The following LRRC4C variants were observed in gnomAD, a reference collection of about 807,000 sequenced individuals.
LRRC4C encodes the protein leucine-rich repeat-containing protein 4C.
Under a neutral mutation model 33.6 loss-of-function variants are expected in LRRC4C, and 5 were observed. That is an observed-to-expected ratio of 0.15 (90% confidence interval 0.08 to 0.31). LRRC4C has a LOEUF of 0.31. Ranked by LOEUF, LRRC4C falls within the 10% of genes least tolerant of loss-of-function variation. The pLI is 1.00. For missense variants in LRRC4C, 560 were observed against 796.7 expected (o/e 0.70, Z 3.58); for synonymous variants, 329 against 302.0 (o/e 1.09, Z -0.93).
intron 1 of LRRC4C, among the ~76,000 whole-genome samples, chr11:40,941,331 A>G (rs1418032494): frequency 1.3e-5 from 2 of 152,250 alleles, no homozygotes; most frequent in East Asian, 1.9e-4. Context: ...CTGATTTTAT[A>G]GCTGTCTAAG....
intron 1 of LRRC4C, among the ~76,000 whole-genome samples, chr11:41,327,631 G>C (rs1165870171): frequency 6.6e-6 from 1 of 152,132 alleles, no homozygotes; most frequent in Non-Finnish European, 1.5e-5. Flanking sequence ...TGGTTTGGCT[G>C]TGTCCCCACC....
rs1454820107 is a variant in LRRC4C at position 40,865,362 on chromosome 11, T to C, written c.-407+68273A>G. Reference sequence around the variant, plus strand: ...ACAAAATTACAGTTAGATAGGAGGATGATTGTACAGCATACTGAGTAAAGT... The same window carrying C: ...ACAAAATTACAGTTAGATAGGAGGACGATTGTACAGCATACTGAGTAAAGT... On this transcript the variant is annotated intron_variant, in intron 2 of 6. Transcript: ENST00000528697. Among the ~76,000 whole-genome samples the C allele has an allele frequency of 3.3e-5, 5 of 152,026 alleles. No homozygotes were observed. In the East Asian group the frequency reaches 9.7e-4, roughly 29 times the overall value.
chr11:40,263,719 C>T (rs183182117), intron 4 of LRRC4C, among the ~76,000 whole-genome samples: 8 of 152,242 alleles, frequency 5.3e-5, no homozygotes, highest in South Asian at 2.1e-4. Context: ...CTTTCTTCAC[C>T]GCAGGAAAGG....
chr11:41,325,290 A>G (rs1336784681), intron 1 of LRRC4C, among the ~76,000 whole-genome samples: 2 of 152,306 alleles, frequency 1.3e-5, no homozygotes, highest in East Asian at 3.9e-4. Flanking sequence ...ATCCACTTTT[A>G]AACACTTTTA....
intron 1 of LRRC4C, among the ~76,000 whole-genome samples, chr11:41,288,441 T>C (rs961240082): frequency 6.6e-6 from 1 of 152,142 alleles, no homozygotes; most frequent in East Asian, 1.9e-4. Context: ...ACTCTCAAGG[T>C]AGAGAATTGG....
intron 1 of LRRC4C, among the ~76,000 whole-genome samples, chr11:41,268,860 A>G (rs1949232938): frequency 6.6e-6 from 1 of 151,030 alleles, no homozygotes; most frequent in African/African-American, 2.4e-5. Flanking sequence ...AGAATCATAG[A>G]TAGCTAAAGA....
chr11:40,913,466 G>A (rs1956790325), intron 2 of LRRC4C, among the ~76,000 whole-genome samples: 2 of 152,094 alleles, frequency 1.3e-5, no homozygotes, highest in Admixed American at 6.6e-5. Flanking sequence ...ATAATGAAAT[G>A]AAGGCAGAAA....
intron 3 of LRRC4C, among the ~76,000 whole-genome samples, chr11:40,483,483 C>T (rs1953696790): frequency 6.6e-6 from 1 of 151,774 alleles, no homozygotes; most frequent in Admixed American, 6.6e-5. Context: ...ATGGGAACAA[C>T]CAATATGATT....
intron 2 of LRRC4C, among the ~76,000 whole-genome samples, chr11:40,882,075 G>A (rs1955206125): frequency 6.6e-6 from 1 of 151,890 alleles, no homozygotes; most frequent in Admixed American, 6.6e-5. Flanking sequence ...CTGTGCCATC[G>A]AGGCATGAAA....
chr11:40,665,351 T>TATATATAC (rs1943735871), intron 2 of LRRC4C, among the ~76,000 whole-genome samples: 1 of 15,486 alleles, frequency 6.5e-5, no homozygotes, highest in Non-Finnish European at 1.5e-4. Flanking sequence ...TATATATATA[T>TATATATAC]ATATATATAT....
chr11:41,399,792 T>G (rs1953958123), intron 1 of LRRC4C, among the ~76,000 whole-genome samples: 1 of 151,992 alleles, frequency 6.6e-6, no homozygotes, highest in African/African-American at 2.4e-5. Context: ...ATGACTAATT[T>G]TTTGCATCAA....
At chr11:40,672,568 C>T (rs1944181458) in intron 2 of LRRC4C, among the ~76,000 whole-genome samples, 1 of 152,144 alleles carries the variant, frequency 6.6e-6, no homozygotes, top group Non-Finnish European at 1.5e-5. Flanking sequence ...GGTTGTAGAT[C>T]AGCTGAAGAA....
chr11:41,341,989 G>C (rs1392178274), intron 1 of LRRC4C, among the ~76,000 whole-genome samples: 1 of 151,426 alleles, frequency 6.6e-6, no homozygotes, highest in East Asian at 1.9e-4. Context: ...GGGACATAGA[G>C]AGTCATCTTG....
chr11:41,059,009 G>GTAT (rs1273360476), intron 1 of LRRC4C, among the ~76,000 whole-genome samples: 1 of 152,060 alleles, frequency 6.6e-6, no homozygotes, highest in Non-Finnish European at 1.5e-5. Flanking sequence ...AACAATGAGT[G>GTAT]CATATGGACA....
intron 2 of LRRC4C, among the ~76,000 whole-genome samples, chr11:40,860,527 C>T (rs1019961565): frequency 6.6e-6 from 1 of 152,134 alleles, no homozygotes; most frequent in African/African-American, 2.4e-5. Flanking sequence ...TGCTGATGTG[C>T]CAAGCGATCT....
intron 3 of LRRC4C, among the ~76,000 whole-genome samples, chr11:40,534,017 A>G (rs1201444440): frequency 6.6e-6 from 1 of 152,162 alleles, no homozygotes; most frequent in African/African-American, 2.4e-5. Context: ...CACATGTGCT[A>G]ATGATTTAGG....
intron 5 of LRRC4C, among the ~76,000 whole-genome samples, chr11:40,154,977 G>A (rs1349171545): frequency 6.6e-6 from 1 of 152,004 alleles, no homozygotes; most frequent in Non-Finnish European, 1.5e-5. Context: ...TCAATAAATT[G>A]AAGAAAATTG....
intron 5 of LRRC4C, among the ~76,000 whole-genome samples, chr11:40,198,632 G>C (rs1040366955): frequency 4.6e-5 from 7 of 152,136 alleles, no homozygotes; most frequent in Non-Finnish European, 8.8e-5. Context: ...ATTTATGCCA[G>C]CTCTTATTTA....
At chr11:40,917,628 C>A (rs1957016177) in intron 2 of LRRC4C, among the ~76,000 whole-genome samples, 1 of 152,088 alleles carries the variant, frequency 6.6e-6, no homozygotes, top group Non-Finnish European at 1.5e-5. Context: ...CCAGCTCTGC[C>A]ATTTAGTCAC....
Sources: allele counts gnomAD v4.1 joint callset (sites outside exome capture counted in the v4.1 genomes callset), GRCh38; gene constraint gnomAD v4.1.1; transcripts MANE v1.5; gene names NCBI Gene and HGNC (gene_info 2026-07-23, HGNC 2026-07-21).